The following NANOS3 variants were observed in gnomAD, a reference collection of about 807,000 sequenced individuals.
NANOS3 encodes the protein nanos C2HC-type zinc finger 3, also known as nanos homolog 3.
Under a neutral mutation model 13.8 loss-of-function variants are expected in NANOS3, and 11 were observed. That is an observed-to-expected ratio of 0.80 (90% CI 0.50 to 1.32). The LOEUF is 1.32. Ranked by LOEUF, NANOS3 falls within the 40% of genes most tolerant of loss-of-function variation. The pLI, the probability that NANOS3 is intolerant of heterozygous loss-of-function variation, is 0.00. For missense variants in NANOS3, 221 were observed against 263.8 expected (o/e 0.84, Z 1.12); for synonymous variants, 119 against 115.4 (o/e 1.03, Z -0.20).
Position 13,872,042 on chromosome 19 carries a change from TAAAG to T in NANOS3, n.22-5624_22-5621del, listed in dbSNP as rs1455030596. ...ACAACAACAGCAACAAAAAAGAGAA[TAAAG>T]ATTTTTCTTTTTTAAAGAAACGGGG... On this transcript the variant is annotated intron_variant and non_coding_transcript_variant, in intron 1 of 2. Coordinates refer to the NANOS3 transcript ENST00000591161. 3.3e-5 allele frequency among the ~76,000 whole-genome samples: 5 copies of T among 150,796 alleles called. No individual in the cohort carries two copies. In the East Asian group the frequency reaches 8.0e-4, roughly 24 times the overall value.
intron 1 of NANOS3, among the ~76,000 whole-genome samples, chr19:13,870,140 G>A (rs1189495672): frequency 1.3e-5 from 2 of 151,476 alleles, no homozygotes; most frequent in Admixed American, 6.6e-5. Flanking sequence ...CTGCAGCCTC[G>A]ACTTCCCTGG....
At chr19:13,870,656 C>T (rs369319111) in intron 1 of NANOS3, among the ~76,000 whole-genome samples, 2 of 148,268 alleles carry the variant, frequency 1.3e-5, no homozygotes, top group African/African-American at 5.0e-5. Context: ...CAATCTCTGC[C>T]TCCCAGGTTC....
chr19:13,874,834 A>G (rs779101866), upstream of NANOS3: 2 of 528,716 alleles, frequency 3.8e-6, no homozygotes, highest in Non-Finnish European at 7.8e-6. Flanking sequence ...GACCTTCCAG[A>G]TCTAGGGGGG....
Position 13,877,274 on chromosome 19 carries a change from A to G in NANOS3, c.26A>G (p.Asp9Gly). 6.2e-7 allele frequency: 1 copy of G among 1,612,528 alleles called. No homozygotes were observed. Among genetic ancestry groups the G allele is most frequent in the Non-Finnish European group, 8.5e-7 (1 of 1,179,382 alleles). Residue 9 changes from aspartate to glycine, a missense_variant, in exon 1 of 2, where the codon GAT becomes GGT. By Grantham distance (94) the Asp-to-Gly change is moderately conservative. Around this residue, in one of 3 missense-constraint regions of NANOS3, gnomAD observed 112 missense variants for 116.3 expected, o/e 0.96. Transcript: ENST00000339133. Reference protein sequence around the residue: MGTFDLWTDYLGLAHLVRA... With the variant: MGTFDLWTGYLGLAHLVRA... The stretch of plus-strand genomic sequence containing the variant: ...ATGGGGACCTTTGACCTGTGGACAG[A>G]TTACCTGGGTTTGGCACACCTGGTT...
upstream of NANOS3, among the ~76,000 whole-genome samples, chr19:13,863,290 G>A (rs1232690749): frequency 2.6e-5 from 4 of 152,020 alleles, no homozygotes; most frequent in Non-Finnish European, 5.9e-5. Context: ...GCTCATTGTA[G>A]CCTTGAACTC....
At chr19:13,876,561 C>T (rs547737205), upstream of NANOS3, among the ~76,000 whole-genome samples, 43 of 152,246 alleles carry the variant, frequency 2.8e-4, no homozygotes, top group Non-Finnish European at 5.1e-4. Flanking sequence ...GATGTGAAAA[C>T]TCTTGGAGGG....
chr19:13,865,472 G>A (rs1453930073), intron 1 of NANOS3: 20 of 143,266 alleles, frequency 1.4e-4, no homozygotes, highest in Admixed American at 1.4e-4. Context: ...GGGGGCACGG[G>A]CGGGGCGGGG....
chr19:13,869,818 C>T (rs1390295458), intron 1 of NANOS3, among the ~76,000 whole-genome samples: 1 of 151,878 alleles, frequency 6.6e-6, no homozygotes, highest in Non-Finnish European at 1.5e-5. Context: ...ACATACAACA[C>T]ACAGACACAC....
At position 13,879,918 on chromosome 19, in the gene NANOS3, C is replaced by T. The variant is rs182178539; in HGVS notation, c.518-524C>T. ...GCATGCGCCTGTAATCCCTGCTACT[C>T]GGGGGGCTGAGACAGGAGAATCGCT... On this transcript the variant is annotated intron_variant, in intron 1 of 1. Transcript: ENST00000339133. Among the ~76,000 whole-genome samples the T allele has an allele frequency of 1.8e-3, 272 of 152,068 alleles. 3 individuals carry two copies. The highest frequency in any genetic ancestry group is 6.3e-3 in the African/African-American group (262 of 41,466).
At chr19:13,873,201 A>C (rs1968430564), upstream of NANOS3, among the ~76,000 whole-genome samples, 1 of 151,200 alleles carries the variant, frequency 6.6e-6, no homozygotes, top group African/African-American at 2.4e-5. Context: ...GGAACAGGTC[A>C]AAAGCGACGG....
At chr19:13,876,257 G>GCC (rs1364860346), upstream of NANOS3, among the ~76,000 whole-genome samples, 6 of 152,116 alleles carry the variant, frequency 3.9e-5, no homozygotes, top group Non-Finnish European at 4.4e-5. Flanking sequence ...TTCTGCCTCA[G>GCC]CCTCCTGAGT....
upstream of NANOS3, among the ~76,000 whole-genome samples, chr19:13,876,930 G>A (rs952379108): frequency 6.6e-6 from 1 of 152,126 alleles, no homozygotes; most frequent in East Asian, 1.9e-4. Context: ...GTGTACGGGG[G>A]GCTGTGGTGC....
At chr19:13,864,865 G>C (rs552143011), upstream of NANOS3, among the ~76,000 whole-genome samples, 5 of 152,184 alleles carry the variant, frequency 3.3e-5, no homozygotes, top group East Asian at 5.8e-4. Context: ...CGTGCGGCCC[G>C]GCACGCCCGC....
chr19:13,873,090 G>A (rs1157685756), upstream of NANOS3, among the ~76,000 whole-genome samples: 4 of 152,140 alleles, frequency 2.6e-5, no homozygotes, highest in Non-Finnish European at 4.4e-5. Flanking sequence ...CTAAGGGGGC[G>A]GGCCCTAAGG....
intron 1 of NANOS3, among the ~76,000 whole-genome samples, chr19:13,869,743 C>G (rs948692492): frequency 1.3e-5 from 2 of 151,500 alleles, no homozygotes; most frequent in African/African-American, 4.9e-5. Context: ...GTCCCCCTTC[C>G]AGGCCCAAGT....
chr19:13,863,626 A>C (rs1479192219), upstream of NANOS3, among the ~76,000 whole-genome samples: 3 of 151,972 alleles, frequency 2.0e-5, no homozygotes, highest in Non-Finnish European at 4.4e-5. Context: ...AGGTATGATT[A>C]CTAGATTGCA....
chr19:13,864,534 G>A (rs1599296017), upstream of NANOS3, among the ~76,000 whole-genome samples: 1 of 152,188 alleles, frequency 6.6e-6, no homozygotes, highest in East Asian at 1.9e-4. Context: ...CTCCATGGGT[G>A]TGTTCTGGTT....
At chr19:13,876,946 G>T (rs139331282), upstream of NANOS3, among the ~76,000 whole-genome samples, 3,742 of 152,144 alleles carry the variant, frequency 0.025, 142 homozygotes, top group African/African-American at 0.077. Flanking sequence ...GGTGCACCTC[G>T]CAGGATGCCC....
At chr19:13,868,725 G>A (rs1387757753) in intron 1 of NANOS3, among the ~76,000 whole-genome samples, 1 of 151,066 alleles carries the variant, frequency 6.6e-6, no homozygotes, top group African/African-American at 2.4e-5. Context: ...TCCCACACCT[G>A]ACATTTTAGT....
Sources: allele counts gnomAD v4.1 joint callset (sites outside exome capture counted in the v4.1 genomes callset), GRCh38; gene constraint gnomAD v4.1.1; regional missense constraint gnomAD v4.1.1; transcripts MANE v1.5; gene names NCBI Gene and HGNC (gene_info 2026-07-23, HGNC 2026-07-21).